The following PAQR9 variants were observed in gnomAD, a reference collection of about 807,000 sequenced individuals.
PAQR9 encodes membrane progestin receptor epsilon.
A neutral mutation model predicts 24.0 loss-of-function variants in PAQR9; 12 were observed. That is an observed-to-expected ratio of 0.50 (90% CI 0.32 to 0.81). The LOEUF is 0.81. Ranked by LOEUF, PAQR9 falls within the 30% of genes least tolerant of loss-of-function variation. The pLI, the probability that PAQR9 is intolerant of heterozygous loss-of-function variation, is 0.03. For synonymous variants in PAQR9, 266 were observed against 237.6 expected, an observed-to-expected ratio of 1.12 and a Z score of -1.10; for missense variants, 418 against 520.8, an observed-to-expected ratio of 0.80 and a Z score of 1.92.
chr3:142,955,498 C>A lies in PAQR9; in HGVS notation c.*6705G>T, dbSNP rs1052653189. On this transcript the variant is annotated 3_prime_UTR_variant, in exon 1 of 1. Transcript: ENST00000340634. Reference sequence around the variant, plus strand: ...AAAAAGCAGCCACAGAATCCTCCCCCAGCCCTGAAACACAGAAAGCCTTTT... The same window carrying A: ...AAAAAGCAGCCACAGAATCCTCCCCAAGCCCTGAAACACAGAAAGCCTTTT... 7.1e-6 allele frequency among the ~76,000 whole-genome samples: 1 copy of A among 140,542 alleles called. No individual in the cohort carries two copies. Among genetic ancestry groups the A allele is most frequent in the Non-Finnish European group, 1.5e-5 (1 of 64,990 alleles). The allele number at this position is 140,542 out of a possible 152,430, so 92.2% of individuals were successfully genotyped here.
At position 142,962,988 on chromosome 3, in the gene PAQR9, G is replaced by C. The variant is rs942308821; in HGVS notation, c.349C>G (p.Pro117Ala). 2 of 1,614,156 alleles carry C rather than the reference G, an allele frequency of 1.2e-6. No individual in the cohort carries two copies. Among genetic ancestry groups the C allele is most frequent in the Non-Finnish European group, 1.7e-6 (2 of 1,180,016 alleles). ...LSGGDVPFHH[P>A]WLLPLWCYAS... Reference sequence around the variant, plus strand: ...TAGCACCACAACGGTAGCAGCCACGGGTGGTGGAAGGGCACGTCGCCGCCG... The same window carrying C: ...TAGCACCACAACGGTAGCAGCCACGCGTGGTGGAAGGGCACGTCGCCGCCG... Residue 117 changes from proline (P) to alanine (A), a missense_variant, in exon 1 of 1, where the codon CCG becomes GCG. By Grantham distance (27) the Pro-to-Ala change is conservative. Coordinates refer to ENST00000340634, the MANE Select transcript of PAQR9 (RefSeq NM_198504.4).
rs2108239284 is a variant in PAQR9, at chr3:142,955,337, C to T, written c.*6866G>A. Among the ~76,000 whole-genome samples, 2 of 148,832 alleles carry T rather than the reference C, an allele frequency of 1.3e-5. No individual in the cohort carries two copies. The highest frequency in any genetic ancestry group is 4.3e-4 in the South Asian group (2 of 4,684). ...TGGAATCCTTTTAGAAATCTTTTCT[C>T]TTCAAGCTGGATATGTGGAAAGTGA... On this transcript the variant is annotated 3_prime_UTR_variant, in exon 1 of 1. Transcript: ENST00000340634.
At position 142,962,656 on chromosome 3, in the gene PAQR9, G is replaced by C; in HGVS notation, c.681C>G (p.Ala227=). The C allele has an allele frequency of 1.2e-6, 2 of 1,611,516 alleles. No individual in the cohort carries two copies. ...ACCAGTCGGTACGGCTCTTGCAGCA[G>C]GCCACAGTGCAAGCCACCGCCAGCA... ...AFVLAVACTV[A]CCKSRTDWCT... is the part of the protein sequence containing the mutation. The change falls in exon 1 of 1, where the codon GCC becomes GCG. Residue 227 remains alanine, a synonymous_variant. Transcript: ENST00000340634.
upstream of PAQR9, chr3:142,963,730 G>A: frequency 1.2e-6 from 1 of 833,162 alleles, no homozygotes; most frequent in Non-Finnish European, 1.4e-6. Flanking sequence ...CGGGAGGTGG[G>A]GATGTGCGAG....
chr3:142,958,907 A>G lies in PAQR9; in HGVS notation c.*3296T>C, dbSNP rs1934838358. ...CTGAGCTGCAAGAACGGCAGGGAAGAAAGGAACCCCATTAGCCAACTAAGT... is the reference window on the plus strand; with the variant it reads ...CTGAGCTGCAAGAACGGCAGGGAAGGAAGGAACCCCATTAGCCAACTAAGT... On this transcript the variant is annotated 3_prime_UTR_variant, in exon 1 of 1. Coordinates refer to ENST00000340634, the MANE Select transcript of PAQR9 (RefSeq NM_198504.4). Among the ~76,000 whole-genome samples, 1 of 152,196 alleles carries G rather than the reference A, an allele frequency of 6.6e-6. No individual in the cohort carries two copies. The highest frequency in any genetic ancestry group is 1.5e-5 in the Non-Finnish European group (1 of 68,030).
rs558974992 is a variant in PAQR9 at position 142,956,842 on chromosome 3, G to T, written c.*5361C>A. ...CAGAAATTTATATTAGCTTTTGGAAGAGTGACTAAGAAGAACTGACATCCA... is the reference window on the plus strand; with the variant it reads ...CAGAAATTTATATTAGCTTTTGGAATAGTGACTAAGAAGAACTGACATCCA... On this transcript the variant is annotated 3_prime_UTR_variant, in exon 1 of 1. Transcript: ENST00000340634. 6.8e-4 allele frequency among the ~76,000 whole-genome samples: 104 copies of T among 152,160 alleles called. 1 individual carries two copies. Among genetic ancestry groups the T allele is most frequent in the Non-Finnish European group, 1.2e-3 (84 of 68,030 alleles).
Position 142,962,254 on chromosome 3 carries a change from C to A in PAQR9, c.1083G>T (p.Gly361=), listed in dbSNP as rs1934908508. ...TGTTTAGGAACTTCCTGATTACCAG[C>A]CCCAGGCAGACCACCAGCAGCAGCA... ...GYMLLLVVCL[G]LVIRKFLNSS... The change falls in exon 1 of 1, where the codon GGG becomes GGT. Residue 361 remains glycine (G), a synonymous_variant. Coordinates refer to ENST00000340634, the MANE Select transcript of PAQR9 (RefSeq NM_198504.4). The A allele has an allele frequency of 6.2e-7, 1 of 1,613,982 alleles. No homozygotes were observed. The highest frequency in any genetic ancestry group is 8.5e-7 in the Non-Finnish European group (1 of 1,180,048).
At chr3:142,952,891 C>T, downstream of PAQR9, 1 of 456,636 alleles carries the variant, frequency 2.2e-6, no homozygotes, top group South Asian at 1.5e-5. Flanking sequence ...AGAATCAGCT[C>T]CAATACAGAG....
rs958008638 is a variant in PAQR9, at chr3:142,959,330, A to G, written c.*2873T>C. Among the ~76,000 whole-genome samples, 8 of 152,224 alleles carry G rather than the reference A, an allele frequency of 5.3e-5. No homozygotes were observed. The highest frequency in any genetic ancestry group is 1.9e-4 in the African/African-American group (8 of 41,462). ...AGATTCAAAGTAAATATTCACTTCT[A>G]AAACATCAAGAAATTTAATAAATTC... On this transcript the variant is annotated 3_prime_UTR_variant, in exon 1 of 1. Coordinates refer to ENST00000340634, the MANE Select transcript of PAQR9 (RefSeq NM_198504.4).
chr3:142,956,081 A>G lies in PAQR9; in HGVS notation c.*6122T>C, dbSNP rs1934787084. Among the ~76,000 whole-genome samples, 1 of 152,252 alleles carries G rather than the reference A, an allele frequency of 6.6e-6. No homozygotes were observed. ...CTATTAGAAACTTTACAAATATAAA[A>G]TTAAAATACTTTTTTAAAAAATTTT... On this transcript the variant is annotated 3_prime_UTR_variant, in exon 1 of 1. Transcript: ENST00000340634.
rs1934801162 is a variant in PAQR9 at position 142,957,063 on chromosome 3, A to G, written c.*5140T>C. On this transcript the variant is annotated 3_prime_UTR_variant, in exon 1 of 1. Coordinates refer to ENST00000340634, the MANE Select transcript of PAQR9 (RefSeq NM_198504.4). ...AGAATATTGACAATCCTTCAAGAAAATGATTCAAAAGGTGATGTACAATTG... is the reference window on the plus strand; with the variant it reads ...AGAATATTGACAATCCTTCAAGAAAGTGATTCAAAAGGTGATGTACAATTG... 6.6e-6 allele frequency among the ~76,000 whole-genome samples: 1 copy of G among 152,224 alleles called. No individual in the cohort carries two copies. The highest frequency in any genetic ancestry group is 1.5e-5 in the Non-Finnish European group (1 of 68,038).
At chr3:142,953,694 G>T (rs1934750369), downstream of PAQR9, among the ~76,000 whole-genome samples, 1 of 152,306 alleles carries the variant, frequency 6.6e-6, no homozygotes, top group Middle Eastern at 3.4e-3. Context: ...GTGGACAGCT[G>T]TTGTTTTTGT....
downstream of PAQR9, chr3:142,949,841 T>G (rs770025498): frequency 6.6e-6 from 1 of 152,244 alleles, no homozygotes; most frequent in African/African-American, 2.4e-5. Context: ...TCCCATTAAG[T>G]GTAGGTTACA....
chr3:142,963,596 G>T lies in PAQR9; in HGVS notation c.-260C>A. On this transcript the variant is annotated 5_prime_UTR_variant, in exon 1 of 1. Coordinates refer to ENST00000340634, the MANE Select transcript of PAQR9 (RefSeq NM_198504.4). Reference sequence around the variant, plus strand: ...TCAGCGGCTTCCTCGCCAAGCCCCTGCTACCGGCGCGCGGCCGCCCGCGCT... The same window carrying T: ...TCAGCGGCTTCCTCGCCAAGCCCCTTCTACCGGCGCGCGGCCGCCCGCGCT... The T allele has an allele frequency of 1.2e-6, 1 of 865,750 alleles. No individual in the cohort carries two copies. Among genetic ancestry groups the T allele is most frequent in the Non-Finnish European group, 1.4e-6 (1 of 721,976 alleles). The allele number at this position is 865,750 out of a possible 1,614,324, so 53.6% of individuals were successfully genotyped here.
Position 142,955,189 on chromosome 3 carries a change from G to A in PAQR9, c.*7014C>T, listed in dbSNP as rs752745818. On this transcript the variant is annotated 3_prime_UTR_variant, in exon 1 of 1. Transcript: ENST00000340634. ...CCCTTCAAGTATAATGCCCTTTACT[G>A]CAAAAGGGGACCTGCTGGTTGTACA... Among the ~76,000 whole-genome samples the A allele has an allele frequency of 3.3e-5, 5 of 151,984 alleles. No homozygotes were observed. Among genetic ancestry groups the A allele is most frequent in the Non-Finnish European group, 5.9e-5 (4 of 67,980 alleles).
rs1359302900 is a variant in PAQR9 at position 142,956,761 on chromosome 3, T to C, written c.*5442A>G. 6.6e-6 allele frequency among the ~76,000 whole-genome samples: 1 copy of C among 152,208 alleles called. No individual in the cohort carries two copies. Among genetic ancestry groups the C allele is most frequent in the Non-Finnish European group, 1.5e-5 (1 of 68,026 alleles). ...TAGAACAAAAATGCCTACAAACTGG[T>C]TAGAAATCTGCAAACCAGAAATGCA... On this transcript the variant is annotated 3_prime_UTR_variant, in exon 1 of 1. Coordinates refer to ENST00000340634, the MANE Select transcript of PAQR9 (RefSeq NM_198504.4).
chr3:142,953,972 T>C (rs762716920), downstream of PAQR9, among the ~76,000 whole-genome samples: 10 of 152,194 alleles, frequency 6.6e-5, no homozygotes, highest in Non-Finnish European at 1.2e-4. Flanking sequence ...CTCACCAGAA[T>C]CTCTAGCACT....
chr3:142,957,452 G>A lies in PAQR9; in HGVS notation c.*4751C>T, dbSNP rs1934807731. Among the ~76,000 whole-genome samples the A allele has an allele frequency of 6.6e-6, 1 of 152,090 alleles. No individual in the cohort carries two copies. Among genetic ancestry groups the A allele is most frequent in the Non-Finnish European group, 1.5e-5 (1 of 68,002 alleles). On this transcript the variant is annotated 3_prime_UTR_variant, in exon 1 of 1. Coordinates refer to ENST00000340634, the MANE Select transcript of PAQR9 (RefSeq NM_198504.4). ...TTTTAATGATTTCCTCCAGATTAAT[G>A]TTTTCTAAGACATGTTTCATAAGTT...
At chr3:142,953,750 C>A (rs914242288), downstream of PAQR9, among the ~76,000 whole-genome samples, 1 of 152,142 alleles carries the variant, frequency 6.6e-6, no homozygotes, top group Non-Finnish European at 1.5e-5. Flanking sequence ...ACCCTCCATG[C>A]GGTTCTGGAA....
Sources: allele counts gnomAD v4.1 joint callset (sites outside exome capture counted in the v4.1 genomes callset), GRCh38; gene constraint gnomAD v4.1.1; transcripts MANE v1.5; gene names NCBI Gene and HGNC (gene_info 2026-07-23, HGNC 2026-07-21).